The following CPNE5 variants were observed in gnomAD, a reference collection of about 807,000 sequenced individuals.
CPNE5 encodes the protein copine-5.
A neutral mutation model predicts 81.1 loss-of-function variants in CPNE5; 42 were observed. The ratio of observed to expected loss-of-function variants is 0.52; its 90% CI spans 0.40 to 0.67. The LOEUF is 0.67. Ranked by LOEUF, CPNE5 falls within the 30% of genes least tolerant of loss-of-function variation. CPNE5 has a pLI of 0.00. For missense variants in CPNE5, 612 were observed against 815.5 expected, an observed-to-expected ratio of 0.75 and a Z score of 3.04; for synonymous variants, 313 against 321.5, an observed-to-expected ratio of 0.97 and a Z score of 0.28.
intron 3 of CPNE5, among the ~76,000 whole-genome samples, chr6:36,812,836 A>G (rs1292254534): frequency 6.6e-6 from 1 of 152,220 alleles, no homozygotes; most frequent in African/African-American, 2.4e-5. Context: ...TTCTCTGCAA[A>G]AAGGAGAGAG....
In CPNE5 at chr6:36,743,309, C is replaced by T. The variant is rs139224408; in HGVS notation, c.1563+380G>A. 185 of 832,030 alleles carry T rather than the reference C, an allele frequency of 2.2e-4. 1 individual carries two copies. In the African/African-American group the frequency reaches 2.9e-3, roughly 13 times the overall value. 51.5% of individuals were successfully genotyped at this position (832,030 alleles called of 1,614,324 possible). On this transcript the variant is annotated intron_variant, in intron 20 of 20. Transcript: ENST00000244751. Reference sequence around the variant, plus strand: ...AGATGCTTACATTGATTCAGTTAACCGAGCAATGCCTATTCTTGGAGAAGG... The same window carrying T: ...AGATGCTTACATTGATTCAGTTAACTGAGCAATGCCTATTCTTGGAGAAGG...
chr6:36,786,918 AAT>A (rs1012733710), intron 8 of CPNE5, among the ~76,000 whole-genome samples: 37 of 151,840 alleles, frequency 2.4e-4, no homozygotes, highest in African/African-American at 9.0e-4. Flanking sequence ...GTCCATAATG[AAT>A]ATGTTATTTT....
chr6:36,800,501 T>C (rs1458150180), intron 3 of CPNE5, among the ~76,000 whole-genome samples: 2 of 152,208 alleles, frequency 1.3e-5, no homozygotes, highest in Non-Finnish European at 1.5e-5. Context: ...ATGACCACCA[T>C]TCTGAGAATT....
intron 8 of CPNE5, among the ~76,000 whole-genome samples, chr6:36,786,764 T>C (rs1253247452): frequency 4.6e-5 from 7 of 152,204 alleles, no homozygotes; most frequent in African/African-American, 1.7e-4. Context: ...TAAAACTGGA[T>C]ACTATATTAT....
In CPNE5 at chr6:36,746,238, A is replaced by G. The variant is rs779678783; in HGVS notation, c.1200+158T>C. 6.1e-6 allele frequency: 6 copies of G among 983,700 alleles called. No individual in the cohort carries two copies. The highest frequency in any genetic ancestry group is 7.2e-6 in the Non-Finnish European group (6 of 828,564). 60.9% of individuals were successfully genotyped at this position (983,700 alleles called of 1,614,324 possible). ...CATCTGTGATCAGGGAAGGGAGTGGATTTCTGGAGCCCCCCTACACACAGC... is the reference window on the plus strand; with the variant it reads ...CATCTGTGATCAGGGAAGGGAGTGGGTTTCTGGAGCCCCCCTACACACAGC... On this transcript the variant is annotated intron_variant, in intron 16 of 20. Coordinates refer to ENST00000244751, the MANE Select transcript of CPNE5 (RefSeq NM_020939.2). This position sits in a 1 kb window ranked among gnomAD's most constrained non-coding sequence, Gnocchi z 4.5.
chr6:36,747,598 T>C (rs1476260389), intron 15 of CPNE5, among the ~76,000 whole-genome samples: 1 of 152,184 alleles, frequency 6.6e-6, no homozygotes, highest in African/African-American at 2.4e-5. Flanking sequence ...CTGACACCTG[T>C]AGAGGGCAAG....
At chr6:36,802,227 A>C in intron 3 of CPNE5, among the ~76,000 whole-genome samples, 1 of 145,786 alleles carries the variant, frequency 6.9e-6, no homozygotes, top group African/African-American at 2.8e-5. Context: ...CAAAAAAAAA[A>C]AAAAAAAAAA....
chr6:36,838,974 A>G (rs981094286), intron 1 of CPNE5, among the ~76,000 whole-genome samples: 8 of 152,136 alleles, frequency 5.3e-5, no homozygotes, highest in African/African-American at 1.9e-4. Context: ...ACCGTAGTAC[A>G]GCCTTTTACC....
chr6:36,760,518 G>C (rs1259529741), intron 12 of CPNE5, among the ~76,000 whole-genome samples: 1 of 152,162 alleles, frequency 6.6e-6, no homozygotes, highest in Non-Finnish European at 1.5e-5. Context: ...CCCCATAAGG[G>C]GGGAGATGAT....
At chr6:36,823,413 C>T (rs1479259761) in intron 1 of CPNE5, among the ~76,000 whole-genome samples, 2 of 152,166 alleles carry the variant, frequency 1.3e-5, no homozygotes, top group Non-Finnish European at 2.9e-5. Context: ...TCCGAAACTG[C>T]CCAATGTCTT....
At position 36,757,513 on chromosome 6, in the gene CPNE5, G is replaced by C. The variant is rs1222372526; in HGVS notation, c.856-1215C>G. On this transcript the variant is annotated intron_variant, in intron 12 of 20. Transcript: ENST00000244751. ...TAGAAACCAGGTTTCCTGCCCCCGG[G>C]CCAGTGGTGCATACATTGGTGCCAC... The C allele has an allele frequency of 1.3e-5, 3 of 229,468 alleles. No homozygotes were observed. In the East Asian group the frequency reaches 5.5e-4, roughly 42 times the overall value. 14.2% of individuals were successfully genotyped at this position (229,468 alleles called of 1,614,324 possible). A position where few individuals can be genotyped will look rare whatever the true frequency, so the allele number is the denominator to read the frequency against.
chr6:36,811,474 G>A (rs1196362948), intron 3 of CPNE5, among the ~76,000 whole-genome samples: 3 of 152,196 alleles, frequency 2.0e-5, no homozygotes, highest in African/African-American at 7.2e-5. Flanking sequence ...GAGCCTAAGT[G>A]CTTGGCCAAG....
intron 1 of CPNE5, chr6:36,838,881 G>A (rs944040262): frequency 5.3e-5 from 15 of 283,320 alleles, no homozygotes; most frequent in African/African-American, 2.5e-4. Flanking sequence ...GAAGGGAGAG[G>A]GTGGACGAGC....
At chr6:36,767,742 C>G (rs1766687316) in intron 10 of CPNE5, among the ~76,000 whole-genome samples, 1 of 152,232 alleles carries the variant, frequency 6.6e-6, no homozygotes, top group African/African-American at 2.4e-5. Flanking sequence ...TAATCCCAGG[C>G]CAGAGGGCCT....
At chr6:36,815,755 A>G (rs1771487552) in intron 3 of CPNE5, among the ~76,000 whole-genome samples, 1 of 152,246 alleles carries the variant, frequency 6.6e-6, no homozygotes, top group African/African-American at 2.4e-5. Context: ...TGAACCATCA[A>G]TTTCAGCTGC....
chr6:36,790,838 C>T (rs140734958), intron 8 of CPNE5, among the ~76,000 whole-genome samples: 125 of 151,944 alleles, frequency 8.2e-4, no homozygotes, highest in African/African-American at 2.8e-3. Flanking sequence ...CCACCGTGCC[C>T]GGCCCCAAAA....
chr6:36,819,265 A>T (rs1412261204), intron 3 of CPNE5, among the ~76,000 whole-genome samples: 1 of 152,038 alleles, frequency 6.6e-6, no homozygotes, highest in African/African-American at 2.4e-5. Context: ...ACACCCAGCT[A>T]ATTTTTGTGT....
intron 12 of CPNE5, among the ~76,000 whole-genome samples, chr6:36,761,244 C>G (rs996394829): frequency 3.9e-5 from 6 of 152,260 alleles, no homozygotes; most frequent in African/African-American, 1.4e-4. Context: ...AAGACAGCTT[C>G]TCTCTTTGCA....
chr6:36,829,250 C>T (rs144856925), intron 1 of CPNE5, among the ~76,000 whole-genome samples: 111 of 152,244 alleles, frequency 7.3e-4, no homozygotes, highest in African/African-American at 2.5e-3. Flanking sequence ...AATCCCAACA[C>T]TTTGGGAGGC....
Sources: gnomAD v4.1 joint callset for allele counts (sites outside exome capture counted in the v4.1 genomes callset) on GRCh38, gnomAD v4.1.1 for gene constraint, Gnocchi (gnomAD v3.1) non-coding constraint, MANE v1.5 for transcripts, NCBI Gene and HGNC (gene_info 2026-07-23, HGNC 2026-07-21) for gene names.